Variants in CAMTA1 observed in about 807,000 individuals in gnomAD.
CAMTA1 encodes the protein calmodulin binding transcription activator 1, also known as calmodulin-binding transcription activator 1.
In CAMTA1, 27 loss-of-function variants were observed where a neutral mutation model predicts 170.9. The ratio of observed to expected loss-of-function variants is 0.16; its 90% CI spans 0.12 to 0.22. The LOEUF is 0.22. Ranked by LOEUF, CAMTA1 falls within the 10% of genes least tolerant of loss-of-function variation. The pLI, the probability that CAMTA1 is intolerant of heterozygous loss-of-function variation, is 1.00. For missense variants in CAMTA1, 1,619 were observed against 2,217.2 expected (o/e 0.73, Z 5.42); for synonymous variants, 833 against 891.5 (o/e 0.93, Z 1.17).
At chr1:7,091,155 C>T in intron 3 of CAMTA1, 149 bp from the exon 4 acceptor site, 1 of 674,404 alleles carries the variant, frequency 1.5e-6, no homozygotes, top group Non-Finnish European at 2.7e-6. Flanking sequence ...AAAATAGAAA[C>T]AGAGTCCAAG....
chr1:7,424,686 T>C (rs917270985), intron 5 of CAMTA1, among the ~76,000 whole-genome samples: 1 of 152,160 alleles, frequency 6.6e-6, no homozygotes, highest in African/African-American at 2.4e-5. Flanking sequence ...AGTTGAGTCA[T>C]GCTCCAGGCT....
At chr1:6,942,140 C>T (rs919089351) in intron 3 of CAMTA1, among the ~76,000 whole-genome samples, 14 of 151,834 alleles carry the variant, frequency 9.2e-5, no homozygotes, top group Non-Finnish European at 1.5e-5. Context: ...GTGCTGTTCC[C>T]AGCATTTACA....
At chr1:7,515,837 G>A (rs2094277366) in intron 6 of CAMTA1, among the ~76,000 whole-genome samples, 1 of 152,206 alleles carries the variant, frequency 6.6e-6, no homozygotes, top group African/African-American at 2.4e-5. Context: ...AGACCCATGG[G>A]CGCAGCAGGT....
chr1:7,451,704 T>G (rs1335042746), intron 5 of CAMTA1, among the ~76,000 whole-genome samples: 1 of 152,102 alleles, frequency 6.6e-6, no homozygotes, highest in African/African-American at 2.4e-5. Flanking sequence ...CTGCTCCCTG[T>G]GAGGCCTGGA....
intron 3 of CAMTA1, among the ~76,000 whole-genome samples, chr1:6,982,584 T>TGTGCG (rs1694620877): frequency 6.6e-6 from 1 of 152,168 alleles, no homozygotes; most frequent in Admixed American, 6.5e-5. Flanking sequence ...TAGCTACTTC[T>TGTGCG]TAAGTGTCCC....
At chr1:7,693,285 TC>T (rs2096338702) in intron 11 of CAMTA1, 1 of 152,194 alleles carries the variant, frequency 6.6e-6, no homozygotes, top group African/African-American at 2.4e-5. Context: ...TTTAAAACCA[TC>T]AGATCTCGTG....
rs143079277 is a variant in CAMTA1, at chr1:7,113,790, T to C, written c.302+22419T>C. Among the ~76,000 whole-genome samples the C allele has an allele frequency of 2.6e-3, 399 of 152,362 alleles. No individual in the cohort carries two copies. Among genetic ancestry groups the C allele is most frequent in the African/African-American group, 9.1e-3 (379 of 41,598 alleles). ...GTAACAGATAGAAAGGAGTGAGTGCTTCTTGCATCCAAGTGCCTGGCAGAA... is the reference window on the plus strand; with the variant it reads ...GTAACAGATAGAAAGGAGTGAGTGCCTCTTGCATCCAAGTGCCTGGCAGAA... On this transcript the variant is annotated intron_variant, in intron 4 of 22. Coordinates refer to ENST00000303635, the MANE Select transcript of CAMTA1 (RefSeq NM_015215.4). This position sits in a 1 kb window ranked among gnomAD's most constrained non-coding sequence, Gnocchi z 4.5.
In CAMTA1 at chr1:7,337,682, G is replaced by A. The variant is rs187190663; in HGVS notation, c.438+88056G>A. Among the ~76,000 whole-genome samples the A allele has an allele frequency of 4.5e-4, 65 of 146,036 alleles. No individual in the cohort carries two copies. The East Asian group carries it at 6.6e-3, about 15-fold the overall frequency. On this transcript the variant is annotated intron_variant, in intron 5 of 22. Transcript: ENST00000303635. ...GGCCTCATCCAATCACAATGTGGGCGGTGGGCCTCATCCAGTCACAATGTG... is the reference window on the plus strand; with the variant it reads ...GGCCTCATCCAATCACAATGTGGGCAGTGGGCCTCATCCAGTCACAATGTG...
chr1:6,878,015 T>C (rs1670425467), intron 3 of CAMTA1, among the ~76,000 whole-genome samples: 5 of 152,240 alleles, frequency 3.3e-5, no homozygotes, highest in Admixed American at 3.3e-4. Context: ...GAACAGGAGC[T>C]GATAGACTGC....
At chr1:7,052,036 G>C (rs1572704076) in intron 3 of CAMTA1, among the ~76,000 whole-genome samples, 1 of 126,772 alleles carries the variant, frequency 7.9e-6, no homozygotes, top group Non-Finnish European at 1.5e-5. Flanking sequence ...TGGAGGCTGT[G>C]TTCTCCTCTC....
chr1:7,590,713 C>T (rs2095348916), intron 6 of CAMTA1, among the ~76,000 whole-genome samples: 1 of 152,182 alleles, frequency 6.6e-6, no homozygotes. Flanking sequence ...ACTTTATGGT[C>T]CTGCTTTCAA....
intron 5 of CAMTA1, among the ~76,000 whole-genome samples, chr1:7,255,711 A>G (rs1667265553): frequency 6.6e-6 from 1 of 152,234 alleles, no homozygotes; most frequent in African/African-American, 2.4e-5. Flanking sequence ...CTAAGTAACA[A>G]GGAGTCTCCA....
chr1:6,966,507 C>T (rs1405557916), intron 3 of CAMTA1, among the ~76,000 whole-genome samples: 12 of 152,118 alleles, frequency 7.9e-5, no homozygotes, highest in East Asian at 3.9e-4. Context: ...TGCTGTGGCA[C>T]GTGCCAGAAC....
At chr1:7,739,045 C>G (rs1315469698) in intron 16 of CAMTA1, among the ~76,000 whole-genome samples, 1 of 152,150 alleles carries the variant, frequency 6.6e-6, no homozygotes, top group African/African-American at 2.4e-5. Context: ...GGACCTTAAA[C>G]TTGTTATGGA....
chr1:7,349,103 T>G (rs1557564360), intron 5 of CAMTA1, among the ~76,000 whole-genome samples: 1 of 152,162 alleles, frequency 6.6e-6, no homozygotes, highest in Non-Finnish European at 1.5e-5. Flanking sequence ...AGACGGCAAA[T>G]CCGAGCTGTG....
intron 4 of CAMTA1, among the ~76,000 whole-genome samples, chr1:7,158,780 G>A (rs1409629104): frequency 1.3e-5 from 2 of 152,132 alleles, no homozygotes; most frequent in Admixed American, 6.5e-5. Context: ...AAATTTTGGA[G>A]GAAAACTGAG....
chr1:6,848,992 A>G (rs1208908606), intron 3 of CAMTA1, among the ~76,000 whole-genome samples: 3 of 152,222 alleles, frequency 2.0e-5, no homozygotes, highest in East Asian at 3.9e-4. Flanking sequence ...TCAGATGATT[A>G]GAGTTGCCCC....
chr1:7,495,329 G>A (rs766918083), intron 6 of CAMTA1, among the ~76,000 whole-genome samples: 7 of 152,088 alleles, frequency 4.6e-5, no homozygotes, highest in Non-Finnish European at 8.8e-5. Context: ...TTTGATTCCC[G>A]CAGCTGTGTT....
chr1:6,838,449 C>T (rs551763899), intron 3 of CAMTA1, among the ~76,000 whole-genome samples: 1 of 152,270 alleles, frequency 6.6e-6, no homozygotes, highest in East Asian at 1.9e-4. Context: ...GAGCTCTTTC[C>T]AGGTAGAAGC....
Sources: gnomAD v4.1 joint callset for allele counts (sites outside exome capture counted in the v4.1 genomes callset) on GRCh38, gnomAD v4.1.1 for gene constraint, Gnocchi (gnomAD v3.1) non-coding constraint, MANE v1.5 for transcripts, NCBI Gene and HGNC (gene_info 2026-07-23, HGNC 2026-07-21) for gene names.